Variants in RORA observed in about 807,000 individuals in gnomAD.
RORA encodes the protein nuclear receptor ROR-alpha.
A neutral mutation model predicts 69.5 loss-of-function variants in RORA; 7 were observed. The ratio of observed to expected loss-of-function variants is 0.10; its 90% confidence interval spans 0.06 to 0.19. RORA has a LOEUF of 0.19. Ranked by LOEUF, RORA falls within the 10% of genes least tolerant of loss-of-function variation. The pLI is 1.00. For synonymous variants in RORA, 261 were observed against 240.8 expected (o/e 1.08, Z -0.78); for missense variants, 457 against 663.0 (o/e 0.69, Z 3.41).
intron 1 of RORA, among the ~76,000 whole-genome samples, chr15:61,102,883 G>C (rs996958884): frequency 1.3e-5 from 2 of 151,800 alleles, no homozygotes; most frequent in African/African-American, 4.8e-5. Context: ...GACCAACAGA[G>C]GCTTTTCCAA....
At chr15:60,883,612 A>C (rs1301756600) in intron 1 of RORA, among the ~76,000 whole-genome samples, 1 of 152,212 alleles carries the variant, frequency 6.6e-6, no homozygotes, top group East Asian at 1.9e-4. Flanking sequence ...TGAATGATTA[A>C]AATGAATAAA....
At chr15:60,779,759 A>G (rs921981998) in intron 1 of RORA, among the ~76,000 whole-genome samples, 1 of 152,178 alleles carries the variant, frequency 6.6e-6, no homozygotes, top group African/African-American at 2.4e-5. Context: ...ATGGTTCTAC[A>G]TTTCCCCAGG....
chr15:61,046,583 G>A (rs1237027953), intron 1 of RORA, among the ~76,000 whole-genome samples: 1 of 152,170 alleles, frequency 6.6e-6, no homozygotes, highest in Non-Finnish European at 1.5e-5. Flanking sequence ...GCAAATGCAG[G>A]GTGATCCCCA....
chr15:60,529,279 A>G (rs563964304), intron 3 of RORA: 2 of 152,218 alleles, frequency 1.3e-5, no homozygotes, highest in Non-Finnish European at 2.9e-5. Flanking sequence ...GTTATTTACA[A>G]TTGATCATGA....
intron 3 of RORA, chr15:60,520,244 T>C (rs2066119047): frequency 6.6e-6 from 1 of 152,054 alleles, no homozygotes; most frequent in South Asian, 2.1e-4. Flanking sequence ...AAATATCAGA[T>C]GCGAGAGGTG....
intron 1 of RORA, among the ~76,000 whole-genome samples, chr15:61,086,064 A>G (rs913596829): frequency 6.6e-6 from 1 of 152,268 alleles, no homozygotes; most frequent in Admixed American, 6.5e-5. Flanking sequence ...GGTATAAAAA[A>G]TAACTCCAAA....
intron 1 of RORA, among the ~76,000 whole-genome samples, chr15:61,120,055 AGT>A (rs1257580659): frequency 6.6e-6 from 1 of 152,222 alleles, no homozygotes; most frequent in Non-Finnish European, 1.5e-5. Context: ...AAGAAAAGCC[AGT>A]GTCAGATCTA....
At chr15:60,582,586 C>T (rs971258342) in intron 2 of RORA, among the ~76,000 whole-genome samples, 2 of 152,150 alleles carry the variant, frequency 1.3e-5, no homozygotes. Flanking sequence ...TGCTACACTG[C>T]GGACAGGGTG....
At chr15:60,961,353 C>T (rs1893408601) in intron 1 of RORA, among the ~76,000 whole-genome samples, 1 of 152,072 alleles carries the variant, frequency 6.6e-6, no homozygotes, top group Admixed American at 6.6e-5. Flanking sequence ...CTCTGATGGT[C>T]CTATAAAGGC....
intron 3 of RORA, among the ~76,000 whole-genome samples, chr15:60,526,688 G>T (rs554460760): frequency 2.4e-4 from 36 of 152,236 alleles, no homozygotes; most frequent in African/African-American, 7.9e-4. Flanking sequence ...CATTTTAAAT[G>T]CCCAGCTCTA....
At chr15:60,752,041 G>A (rs2071730450) in intron 1 of RORA, among the ~76,000 whole-genome samples, 1 of 152,064 alleles carries the variant, frequency 6.6e-6, no homozygotes, top group African/African-American at 2.4e-5. Flanking sequence ...CATCAATAAG[G>A]AGGTGGAGAA....
At chr15:61,071,219 AG>A in intron 1 of RORA, among the ~76,000 whole-genome samples, 2 of 44,560 alleles carry the variant, frequency 4.5e-5, no homozygotes, top group Non-Finnish European at 4.1e-5. Context: ...GAAAAAGGGG[AG>A]GGGAAGGGAA....
chr15:60,911,828 T>TC (rs1225182414), intron 1 of RORA, among the ~76,000 whole-genome samples: 1 of 150,570 alleles, frequency 6.6e-6, no homozygotes, highest in African/African-American at 2.4e-5. Context: ...GCCTCCCAAA[T>TC]AGCTGGGATT....
At chr15:60,807,731 T>C (rs577986459) in intron 1 of RORA, among the ~76,000 whole-genome samples, 2 of 152,274 alleles carry the variant, frequency 1.3e-5, no homozygotes, top group East Asian at 1.9e-4. Flanking sequence ...AATAGGCACA[T>C]AGACCAATGG....
At chr15:61,098,296 ACTGTCTCCCTCCCTCT>A (rs1406699934) in intron 1 of RORA, among the ~76,000 whole-genome samples, 7 of 92,220 alleles carry the variant, frequency 7.6e-5, no homozygotes, top group South Asian at 4.0e-4. Flanking sequence ...TGCCTCCCTC[ACTGTCTCCCTCCCTCT>A]CTGTCTCCCT....
chr15:60,932,582 G>T (rs930120675), intron 1 of RORA, among the ~76,000 whole-genome samples: 3 of 152,182 alleles, frequency 2.0e-5, no homozygotes, highest in African/African-American at 7.2e-5. Context: ...TTTGCCTGAA[G>T]CCCTGGCACT....
intron 3 of RORA, chr15:60,520,185 CT>C (rs1346485514): frequency 1.3e-5 from 2 of 152,112 alleles, no homozygotes; most frequent in Non-Finnish European, 2.9e-5. Flanking sequence ...GAAAGGCGAT[CT>C]TTCTTTTGGA....
intron 1 of RORA, among the ~76,000 whole-genome samples, chr15:61,145,858 A>G (rs577693855): frequency 5.2e-4 from 79 of 152,328 alleles, no homozygotes; most frequent in African/African-American, 1.8e-3. Context: ...TCCAGGCTAT[A>G]TACTGGAAAC....
intron 1 of RORA, among the ~76,000 whole-genome samples, chr15:60,968,329 C>A (rs1447374205): frequency 1.3e-5 from 2 of 152,180 alleles, no homozygotes. Context: ...TACGCATGCA[C>A]CAAAACCTTG....
Sources: gnomAD v4.1 joint callset for allele counts (sites outside exome capture counted in the v4.1 genomes callset) on GRCh38, gnomAD v4.1.1 for gene constraint, MANE v1.5 for transcripts, NCBI Gene and HGNC (gene_info 2026-07-23, HGNC 2026-07-21) for gene names.